FOSL2: variants seen among roughly 807,000 people sequenced by gnomAD.
FOSL2 encodes the protein fos-related antigen 2.
Under a neutral mutation model 27.7 loss-of-function variants are expected in FOSL2, and 3 were observed. The ratio of observed to expected loss-of-function variants is 0.11; its 90% CI spans 0.05 to 0.28. The LOEUF (loss-of-function observed/expected upper bound fraction) is 0.28. Among genes scored for constraint, FOSL2 ranks in the 10% least tolerant of loss-of-function variants. The pLI is 1.00. For synonymous variants in FOSL2, 179 were observed against 190.1 expected, an observed-to-expected ratio of 0.94 and a Z score of 0.48; for missense variants, 333 against 445.1, an observed-to-expected ratio of 0.75 and a Z score of 2.27.
At position 28,393,211 on chromosome 2, in the gene FOSL2, C is replaced by T. The variant is rs1005451941; in HGVS notation, c.-510C>T. 1 of 241,738 alleles carries T rather than the reference C, an allele frequency of 4.1e-6. No homozygotes were observed. The highest frequency in any genetic ancestry group is 9.8e-5 in the East Asian group (1 of 10,202). 15.0% of individuals were successfully genotyped at this position (241,738 alleles called of 1,614,324 possible). ...GCGAGTCGGCCACGGGAAGTTTATT[C>T]TCCGGCTCCTTTTCTAAAAGGAAGA... On this transcript the variant is annotated 5_prime_UTR_variant, in exon 1 of 4. Coordinates refer to ENST00000264716, the MANE Select transcript of FOSL2 (RefSeq NM_005253.4). This position sits in a 1 kb window ranked among gnomAD's most constrained non-coding sequence, Gnocchi z 4.6.
rs1232504383 is a variant in FOSL2, at chr2:28,417,315, G to T, written c.*4867G>T. The T allele has an allele frequency of 6.6e-6, 1 of 151,240 alleles. No homozygotes were observed. The allele number at this position is 151,240 out of a possible 1,614,324, so 9.4% of individuals were successfully genotyped here. On this transcript the variant is annotated 3_prime_UTR_variant, in exon 4 of 4. Transcript: ENST00000264716. ...GAATAAAATGAATTAAGATTGAAGA[G>T]CCTCTGATGGTTGGTTTATTCTGTC...
chr2:28,408,700 A>T lies in FOSL2; in HGVS notation c.355-59A>T, dbSNP rs1572493749. On this transcript the variant is annotated intron_variant, in intron 2 of 3. Coordinates refer to ENST00000264716, the MANE Select transcript of FOSL2 (RefSeq NM_005253.4). The surrounding 1 kb of genome is among the most constrained non-coding windows in gnomAD (Gnocchi z 4.1). ...TTGCCTTACTTAAAATACAGTTTTT[A>T]AAAAATACTGTGAACCATTGTCTCT... 7.9e-6 allele frequency: 10 copies of T among 1,272,406 alleles called. No individual in the cohort carries two copies. In the East Asian group the frequency reaches 1.3e-4, roughly 17 times the overall value. The allele number at this position is 1,272,406 out of a possible 1,614,324, so 78.8% of individuals were successfully genotyped here. A position where few individuals can be genotyped will look rare whatever the true frequency, so the allele number is the denominator to read the frequency against.
intron 1 of FOSL2, among the ~76,000 whole-genome samples, chr2:28,394,094 C>G (rs1205580624): frequency 6.8e-6 from 1 of 148,096 alleles, no homozygotes; most frequent in African/African-American, 2.5e-5. Context: ...CTACCAGGAG[C>G]CTGTTACCTC....
chr2:28,413,040 C>G lies in FOSL2; in HGVS notation c.*592C>G, dbSNP rs1464110036. On this transcript the variant is annotated 3_prime_UTR_variant, in exon 4 of 4. Transcript: ENST00000264716. The stretch of plus-strand genomic sequence containing the variant: ...GAAGGGGACAAAGTGCAATACAGAG[C>G]CTTCCCTACCCTGACGCCTCCCAGT... The G allele has an allele frequency of 6.2e-6, 1 of 160,628 alleles. No individual in the cohort carries two copies. 10.0% of individuals were successfully genotyped at this position (160,628 alleles called of 1,614,324 possible).
At position 28,404,115 on chromosome 2, in the gene FOSL2, G is replaced by T. The variant is rs200198308; in HGVS notation, c.111G>T (p.Arg37=). The T allele has an allele frequency of 4.3e-6, 7 of 1,614,080 alleles. No individual in the cohort carries two copies. The highest frequency in any genetic ancestry group is 2.5e-6 in the Non-Finnish European group (3 of 1,179,982). The change falls in exon 2 of 4, where the codon CGG becomes CGT. Residue 37 remains arginine, a synonymous_variant. Transcript: ENST00000264716. The surrounding 1 kb of genome is among the most constrained non-coding windows in gnomAD (Gnocchi z 4.7). ...TTTTTTCCTCATTTCAGAAATTCCG[G>T]GTAGATATGCCTGGCTCAGGCAGTG... is the stretch of plus-strand genomic sequence containing the variant. The part of the protein sequence containing the change: ...SSGGGGQQKF[R]VDMPGSGSAF...
rs952516763 is a variant in FOSL2, at chr2:28,413,349, C to T, written c.*901C>T. The T allele has an allele frequency of 6.0e-5, 24 of 397,482 alleles. No homozygotes were observed. Among genetic ancestry groups the T allele is most frequent in the African/African-American group, 4.9e-4 (24 of 48,618 alleles). 24.6% of individuals were successfully genotyped at this position (397,482 alleles called of 1,614,324 possible). A position where few individuals can be genotyped will look rare whatever the true frequency, so the allele number is the denominator to read the frequency against. On this transcript the variant is annotated 3_prime_UTR_variant, in exon 4 of 4. Transcript: ENST00000264716. ...GCGTCTCCTGTAATTACTGCCTTGC[C>T]ATTCTGCCCCTGGACCCTTCTCTCC...
At position 28,404,225 on chromosome 2, in the gene FOSL2, A is replaced by G. The variant is rs765442032; in HGVS notation, c.221A>G (p.Asn74Ser). Reference sequence around the variant, plus strand: ...CCCACAGTGATCACCTCCATGTCCAACCCATACCCTCGCTCGCACCCCTAC... The same window carrying G: ...CCCACAGTGATCACCTCCATGTCCAGCCCATACCCTCGCTCGCACCCCTAC... ...VQPTVITSMS[N>S]PYPRSHPYSP... is the part of the protein sequence containing the mutation. The change falls in exon 2 of 4, where the codon AAC (asparagine) becomes AGC (serine). Residue 74 changes from asparagine (N) to serine (S), a missense_variant. By Grantham distance (46) the Asn-to-Ser change is conservative. Transcript: ENST00000264716. The surrounding 1 kb of genome is among the most constrained non-coding windows in gnomAD (Gnocchi z 4.7). The G allele has an allele frequency of 4.3e-6, 7 of 1,613,896 alleles. No individual in the cohort carries two copies. The South Asian group carries it at 6.6e-5, about 15-fold the overall frequency.
intron 1 of FOSL2, among the ~76,000 whole-genome samples, chr2:28,397,987 G>T (rs1265817396): frequency 2.0e-5 from 3 of 152,176 alleles, no homozygotes; most frequent in African/African-American, 7.2e-5. Flanking sequence ...TGTCCTGCAG[G>T]CCTCTAGAGT....
chr2:28,416,950 T>C lies in FOSL2; in HGVS notation c.*4502T>C, dbSNP rs1024318073. On this transcript the variant is annotated 3_prime_UTR_variant, in exon 4 of 4. Transcript: ENST00000264716. Reference sequence around the variant, plus strand: ...GGAATTTAATTACCTTTCTGGGCACTTTTTTTTTTTTTTTTTTTTTAAGTA... The same window carrying C: ...GGAATTTAATTACCTTTCTGGGCACCTTTTTTTTTTTTTTTTTTTTAAGTA... 8.6e-6 allele frequency: 1 copy of C among 116,138 alleles called. No homozygotes were observed. Among genetic ancestry groups the C allele is most frequent in the Non-Finnish European group, 1.7e-5 (1 of 58,244 alleles). The allele number at this position is 116,138 out of a possible 1,614,324, so 7.2% of individuals were successfully genotyped here.
In FOSL2 at chr2:28,392,948, G is replaced by C; in HGVS notation, c.-773G>C. On this transcript the variant is annotated 5_prime_UTR_variant, in exon 1 of 4. Coordinates refer to ENST00000264716, the MANE Select transcript of FOSL2 (RefSeq NM_005253.4). ...CGCTCGGCGGGGACAGAAAGAGGGA[G>C]AGAGAGAGAGAGAGAGAGGGAGAGG... 1.7e-6 allele frequency: 1 copy of C among 589,592 alleles called. No individual in the cohort carries two copies. Among genetic ancestry groups the C allele is most frequent in the East Asian group, 3.1e-5 (1 of 32,424 alleles). The allele number at this position is 589,592 out of a possible 1,614,324, so 36.5% of individuals were successfully genotyped here. A position where few individuals can be genotyped will look rare whatever the true frequency, so the allele number is the denominator to read the frequency against.
intron 1 of FOSL2, among the ~76,000 whole-genome samples, chr2:28,396,473 G>GT (rs3833576): frequency 0.4 from 60,202 of 151,738 alleles, 12,807 homozygotes; most frequent in South Asian, 0.54. Context: ...TTTTGCTGTT[G>GT]TTTTTTCTCT....
intron 1 of FOSL2, among the ~76,000 whole-genome samples, chr2:28,400,983 G>C (rs1450524527): frequency 1.3e-5 from 2 of 152,166 alleles, no homozygotes; most frequent in African/African-American, 4.8e-5. Flanking sequence ...CTTCCCCATG[G>C]AGGAGGGAGT....
chr2:28,411,885 C>G, intron 3 of FOSL2, 45 bp from the exon 4 acceptor site: 2 of 1,608,252 alleles, frequency 1.2e-6, no homozygotes, highest in Non-Finnish European at 1.7e-6. Flanking sequence ...CTAGATTGGT[C>G]CCTGGCAGGT....
In FOSL2 at chr2:28,415,217, G is replaced by A. The variant is rs116541665; in HGVS notation, c.*2769G>A. ...AGCTCTGGGACGGCACAGGGCGGGC[G>A]CTCTGATCAGCTCGTGTAAAACACA... is the stretch of plus-strand genomic sequence containing the variant. On this transcript the variant is annotated 3_prime_UTR_variant, in exon 4 of 4. Transcript: ENST00000264716. 1,129 of 152,406 alleles carry A rather than the reference G, an allele frequency of 7.4e-3. 10 individuals are homozygous for A. The highest frequency in any genetic ancestry group is 0.022 in the African/African-American group (917 of 41,558). 9.4% of individuals were successfully genotyped at this position (152,406 alleles called of 1,614,324 possible). A position where few individuals can be genotyped will look rare whatever the true frequency, so the allele number is the denominator to read the frequency against.
Position 28,408,030 on chromosome 2 carries a change from G to A in FOSL2, c.355-729G>A, listed in dbSNP as rs555325108. Among the ~76,000 whole-genome samples, 3 of 152,344 alleles carry A rather than the reference G, an allele frequency of 2.0e-5. No individual in the cohort carries two copies. Among genetic ancestry groups the A allele is most frequent in the Non-Finnish European group, 4.4e-5 (3 of 68,036 alleles). On this transcript the variant is annotated intron_variant, in intron 2 of 3. Transcript: ENST00000264716. The surrounding 1 kb of genome is among the most constrained non-coding windows in gnomAD (Gnocchi z 4.1). ...GAACCAGGTGCTCACTTGTTGAGTG[G>A]ACAGATATGGTGGGCAGCAGGATTT... is the stretch of plus-strand genomic sequence containing the variant.
chr2:28,399,381 G>A (rs1248408629), intron 1 of FOSL2, among the ~76,000 whole-genome samples: 1 of 152,226 alleles, frequency 6.6e-6, no homozygotes. Flanking sequence ...CAAGGCTCCA[G>A]TATAGAGTCT....
At position 28,417,144 on chromosome 2, in the gene FOSL2, C is replaced by T. The variant is rs1558573216; in HGVS notation, c.*4696C>T. ...TTTTGTTGTTTTACTATATGTAATA[C>T]AAGCCTACAGTATTTGCACTAAAGA... On this transcript the variant is annotated 3_prime_UTR_variant, in exon 4 of 4. Transcript: ENST00000264716. 6.6e-6 allele frequency: 1 copy of T among 151,824 alleles called. No homozygotes were observed. The highest frequency in any genetic ancestry group is 6.6e-5 in the Admixed American group (1 of 15,236). The allele number at this position is 151,824 out of a possible 1,614,324, so 9.4% of individuals were successfully genotyped here.
At chr2:28,399,107 C>A (rs984688003) in intron 1 of FOSL2, among the ~76,000 whole-genome samples, 1 of 152,230 alleles carries the variant, frequency 6.6e-6, no homozygotes, top group African/African-American at 2.4e-5. Flanking sequence ...CTCAATCATA[C>A]CTGCTTGCCT....
rs534505790 is a variant in FOSL2 at position 28,416,996 on chromosome 2, G to T, written c.*4548G>T. The T allele has an allele frequency of 3.3e-4, 49 of 148,732 alleles. No individual in the cohort carries two copies. The South Asian group carries it at 9.6e-3, about 29-fold the overall frequency. The allele number at this position is 148,732 out of a possible 1,614,324, so 9.2% of individuals were successfully genotyped here. ...AAGTAATGGTGAAATGGTCCCATTG[G>T]AGAGTCTCCTAAATAGACCTTCCAG... On this transcript the variant is annotated 3_prime_UTR_variant, in exon 4 of 4. Coordinates refer to ENST00000264716, the MANE Select transcript of FOSL2 (RefSeq NM_005253.4).
Sources: allele counts gnomAD v4.1 joint callset (sites outside exome capture counted in the v4.1 genomes callset), GRCh38; gene constraint gnomAD v4.1.1; non-coding constraint Gnocchi (gnomAD v3.1); transcripts MANE v1.5; gene names NCBI Gene and HGNC (gene_info 2026-07-23, HGNC 2026-07-21).